Variants in WDFY2 observed in about 807,000 individuals in gnomAD.
The protein encoded by WDFY2 is WD repeat and FYVE domain-containing protein 2.
Under a neutral mutation model 56.4 loss-of-function variants are expected in WDFY2, and 36 were observed. That is an observed-to-expected ratio of 0.64 (90% confidence interval 0.49 to 0.84). The LOEUF is 0.84. WDFY2 is among the 40% of genes least tolerant of loss of function. The probability of loss-of-function intolerance (pLI) is 0.00; values close to 1 mark genes in which losing one functional copy is unlikely to be tolerated. For missense variants in WDFY2, 444 were observed against 512.2 expected (o/e 0.87, Z 1.29); for synonymous variants, 176 against 183.7 (o/e 0.96, Z 0.34).
intron 1 of WDFY2, among the ~76,000 whole-genome samples, chr13:51,607,381 G>A (rs909656636): frequency 5.9e-5 from 9 of 152,170 alleles, no homozygotes; most frequent in African/African-American, 1.7e-4. Flanking sequence ...TCTTCAGATC[G>A]TGTTTGCTAA....
intron 1 of WDFY2, among the ~76,000 whole-genome samples, chr13:51,643,120 A>T (rs895388182): frequency 6.6e-6 from 1 of 152,158 alleles, no homozygotes; most frequent in African/African-American, 2.4e-5. Flanking sequence ...AACTATTTGT[A>T]AGTGTTCAAT....
chr13:51,634,476 A>G (rs1235797497), intron 1 of WDFY2, among the ~76,000 whole-genome samples: 1 of 152,208 alleles, frequency 6.6e-6, no homozygotes, highest in East Asian at 1.9e-4. Context: ...GTAAGAGTCA[A>G]TTAAGCTTTT....
intron 1 of WDFY2, among the ~76,000 whole-genome samples, chr13:51,613,596 A>T (rs193019715): frequency 2.2e-4 from 34 of 152,294 alleles, no homozygotes; most frequent in Admixed American, 1.6e-3. Flanking sequence ...TCAAGCTACA[A>T]GTGAGCCCAA....
intron 3 of WDFY2, among the ~76,000 whole-genome samples, chr13:51,679,970 G>A (rs865865607): frequency 2.0e-5 from 3 of 151,890 alleles, no homozygotes; most frequent in African/African-American, 7.3e-5. Flanking sequence ...TGTTGCCCAC[G>A]CCAAAGAGCA....
At chr13:51,594,827 A>C (rs1012713340) in intron 1 of WDFY2, among the ~76,000 whole-genome samples, 2 of 152,216 alleles carry the variant, frequency 1.3e-5, no homozygotes. Flanking sequence ...CACCTGCAGC[A>C]CTTGGAGCAT....
At chr13:51,668,168 C>A (rs1451932117) in intron 2 of WDFY2, among the ~76,000 whole-genome samples, 4 of 151,900 alleles carry the variant, frequency 2.6e-5, no homozygotes, top group Admixed American at 2.6e-4. Context: ...CGTGAGCCAC[C>A]GCACCCGGCC....
chr13:51,675,583 A>G (rs1566107835), intron 3 of WDFY2, among the ~76,000 whole-genome samples: 1 of 152,190 alleles, frequency 6.6e-6, no homozygotes, highest in Non-Finnish European at 1.5e-5. Context: ...TGGTGCCTTA[A>G]GCTTTGCCAC....
intron 1 of WDFY2, among the ~76,000 whole-genome samples, chr13:51,653,272 T>C (rs1269878455): frequency 6.6e-6 from 1 of 152,208 alleles, no homozygotes; most frequent in Non-Finnish European, 1.5e-5. Context: ...CTTTAAGGAC[T>C]ACTCTGCATT....
At chr13:51,605,005 A>G (rs564984497) in intron 1 of WDFY2, among the ~76,000 whole-genome samples, 1 of 152,324 alleles carries the variant, frequency 6.6e-6, no homozygotes, top group South Asian at 2.1e-4. Flanking sequence ...TTCCTAGATG[A>G]TAAGTGGGGA....
intron 3 of WDFY2, among the ~76,000 whole-genome samples, chr13:51,688,511 C>T (rs1566124892): frequency 6.6e-6 from 1 of 152,098 alleles, no homozygotes; most frequent in African/African-American, 2.4e-5. Flanking sequence ...AACATACAAC[C>T]AAGTAAGCCT....
At chr13:51,749,251 C>G (rs1953173226) in intron 7 of WDFY2, among the ~76,000 whole-genome samples, 1 of 152,082 alleles carries the variant, frequency 6.6e-6, no homozygotes, top group Admixed American at 6.5e-5. Context: ...ATATATCGAT[C>G]ATTATCACTT....
intron 5 of WDFY2, among the ~76,000 whole-genome samples, chr13:51,720,352 A>G (rs533451929): frequency 9.8e-4 from 149 of 152,304 alleles, no homozygotes; most frequent in Non-Finnish European, 1.8e-3. Context: ...ACCATTGTGG[A>G]AAGTTGTAAA....
At chr13:51,738,554 G>C (rs1952893827) in intron 6 of WDFY2, among the ~76,000 whole-genome samples, 2 of 152,170 alleles carry the variant, frequency 1.3e-5, no homozygotes, top group South Asian at 4.1e-4. Flanking sequence ...CCCGGAATCT[G>C]TAAATTAAAA....
intron 1 of WDFY2, among the ~76,000 whole-genome samples, chr13:51,626,130 TAAATGAGG>T (rs200923947): frequency 0.015 from 2,330 of 152,232 alleles, 48 homozygotes; most frequent in African/African-American, 0.05. Context: ...AACTCTTAAA[TAAATGAGG>T]AAATGAGGGA....
At chr13:51,598,094 T>C (rs1954186478) in intron 1 of WDFY2, among the ~76,000 whole-genome samples, 1 of 152,206 alleles carries the variant, frequency 6.6e-6, no homozygotes, top group African/African-American at 2.4e-5. Context: ...GTGTGGTGGC[T>C]CACGCCTGTA....
At chr13:51,661,915 T>A (rs1284481670) in intron 2 of WDFY2, among the ~76,000 whole-genome samples, 1 of 152,290 alleles carries the variant, frequency 6.6e-6, no homozygotes, top group South Asian at 2.1e-4. Context: ...AGGGTTTAGA[T>A]AAATGGAAAA....
At chr13:51,609,387 G>T (rs983677058) in intron 1 of WDFY2, among the ~76,000 whole-genome samples, 8 of 152,180 alleles carry the variant, frequency 5.3e-5, no homozygotes, top group Admixed American at 3.9e-4. Flanking sequence ...GCTGATTAGG[G>T]TATTCATAAT....
chr13:51,668,740 A>C (rs74819112), intron 2 of WDFY2, among the ~76,000 whole-genome samples: 1,751 of 152,296 alleles, frequency 0.011, 17 homozygotes, highest in Non-Finnish European at 0.017. Flanking sequence ...GTTGTTATTT[A>C]GTTTTAAAGT....
chr13:51,684,789 C>A (rs1229478703), intron 3 of WDFY2, among the ~76,000 whole-genome samples: 1 of 152,056 alleles, frequency 6.6e-6, no homozygotes, highest in Non-Finnish European at 1.5e-5. Flanking sequence ...TTTGTCTATT[C>A]CCAAGAGTAC....
Sources: allele counts gnomAD v4.1 joint callset (sites outside exome capture counted in the v4.1 genomes callset), GRCh38; gene constraint gnomAD v4.1.1; transcripts MANE v1.5; gene names NCBI Gene and HGNC (gene_info 2026-07-23, HGNC 2026-07-21).